Variants in WDR72 observed in about 807,000 individuals in gnomAD.
WDR72 encodes the protein WD repeat domain 72.
A neutral mutation model predicts 124.2 loss-of-function variants in WDR72; 120 were observed. The ratio of observed to expected loss-of-function variants is 0.97; its 90% CI spans 0.83 to 1.12. The LOEUF (loss-of-function observed/expected upper bound fraction) is 1.12, where lower values mean the gene tolerates loss of function less well. Among genes scored for constraint, WDR72 ranks in the 50% most tolerant of loss-of-function variants. The pLI is 0.00. For synonymous variants in WDR72, 452 were observed against 441.7 expected (o/e 1.02, Z -0.29); for missense variants, 1,387 against 1,278.8 (o/e 1.08, Z -1.29).
intron 18 of WDR72, among the ~76,000 whole-genome samples, chr15:53,583,657 C>T (rs1360174700): frequency 6.6e-6 from 1 of 152,044 alleles, no homozygotes; most frequent in East Asian, 1.9e-4. Context: ...CACAGGTGAG[C>T]AGGCAATTCT....
At chr15:53,740,500 G>A (rs1454165383) in intron 1 of WDR72, among the ~76,000 whole-genome samples, 1 of 152,002 alleles carries the variant, frequency 6.6e-6, no homozygotes, top group Non-Finnish European at 1.5e-5. Context: ...GCAGAGAACG[G>A]GGTTTCACCG....
At chr15:53,626,783 G>A (rs2014228482) in intron 14 of WDR72, among the ~76,000 whole-genome samples, 1 of 152,142 alleles carries the variant, frequency 6.6e-6, no homozygotes, top group Non-Finnish European at 1.5e-5. Flanking sequence ...ATGTTTAAAG[G>A]TGGAAGTGGT....
At position 53,702,172 on chromosome 15, in the gene WDR72, G is replaced by A. The variant is rs1393055928; in HGVS notation, c.1531C>T (p.Pro511Ser). 10 of 1,613,694 alleles carry A rather than the reference G, an allele frequency of 6.2e-6. No homozygotes were observed. Among genetic ancestry groups the A allele is most frequent in the African/African-American group, 1.3e-5 (1 of 74,966 alleles). The change falls in exon 12 of 20, where the codon CCA becomes TCA. Residue 511 changes from proline (P) to serine (S), a missense_variant. Transcript: ENST00000360509. The stretch of plus-strand genomic sequence containing the variant: ...GGTGACATCAAAAGACTTGTTACTG[G>A]ACCAGCTTCCAAAAAGAATTTATGC... ...ILHKFFLEAG[P>S]VTSLLMSPEK...
At chr15:53,688,513 C>G (rs200898026) in intron 13 of WDR72, among the ~76,000 whole-genome samples, 10,725 of 151,812 alleles carry the variant, frequency 0.071, 960 homozygotes, top group African/African-American at 0.21. Context: ...CAAGGGAAGT[C>G]AAGGACCTCT....
intron 13 of WDR72, among the ~76,000 whole-genome samples, chr15:53,682,828 C>A (rs552004614): frequency 4.6e-5 from 7 of 152,226 alleles, no homozygotes; most frequent in Admixed American, 4.6e-4. Flanking sequence ...ATCTTTATAG[C>A]AGTATTCCAC....
chr15:53,620,984 G>T (rs1305413929), intron 14 of WDR72, among the ~76,000 whole-genome samples: 1 of 151,874 alleles, frequency 6.6e-6, no homozygotes, highest in Non-Finnish European at 1.5e-5. Flanking sequence ...CAAAAACTGG[G>T]ATAAGAACAT....
At chr15:53,760,468 T>C (rs2019041178), upstream of WDR72, among the ~76,000 whole-genome samples, 3 of 152,190 alleles carry the variant, frequency 2.0e-5, no homozygotes, top group African/African-American at 7.2e-5. Flanking sequence ...TCACTTAACA[T>C]AATGATCTCC....
At chr15:53,620,622 T>C (rs994243047) in intron 14 of WDR72, among the ~76,000 whole-genome samples, 3 of 151,994 alleles carry the variant, frequency 2.0e-5, no homozygotes, top group Admixed American at 6.6e-5. Flanking sequence ...TGGATCCTCA[T>C]CTCTCACCTT....
intron 1 of WDR72, among the ~76,000 whole-genome samples, chr15:53,746,538 T>C (rs1228482220): frequency 6.6e-6 from 1 of 152,224 alleles, no homozygotes; most frequent in African/African-American, 2.4e-5. Flanking sequence ...AGCTTTGAGA[T>C]AAAATAGGCC....
intron 1 of WDR72, among the ~76,000 whole-genome samples, chr15:53,739,256 AAGG>A (rs1473034241): frequency 1.3e-5 from 2 of 152,194 alleles, no homozygotes; most frequent in Non-Finnish European, 2.9e-5. Flanking sequence ...GGCAAAGAGA[AAGG>A]AGATCAAAAA....
intron 2 of WDR72, among the ~76,000 whole-genome samples, chr15:53,728,498 C>T (rs62008000): frequency 0.079 from 12,084 of 152,190 alleles, 656 homozygotes; most frequent in Middle Eastern, 0.13. Context: ...AATTGAAGCT[C>T]AAAGAATATA....
chr15:53,626,228 T>C (rs1368748668), intron 14 of WDR72, among the ~76,000 whole-genome samples: 1 of 152,176 alleles, frequency 6.6e-6, no homozygotes, highest in African/African-American at 2.4e-5. Context: ...AATGGAATCT[T>C]GGGCCACGCG....
chr15:53,713,554 G>A (rs899351851), intron 6 of WDR72, among the ~76,000 whole-genome samples: 41 of 151,696 alleles, frequency 2.7e-4, no homozygotes, highest in African/African-American at 8.2e-4. Context: ...GGGTTCAAAC[G>A]ATTCTCCTGC....
At chr15:53,759,763 A>AC (rs2019023727), upstream of WDR72, 1 of 129,676 alleles carries the variant, frequency 7.7e-6, no homozygotes, top group African/African-American at 3.0e-5. Flanking sequence ...CAGCGCGCGG[A>AC]CCGGGCTAGC....
chr15:53,688,298 G>A (rs1237781124), intron 13 of WDR72, among the ~76,000 whole-genome samples: 1 of 148,740 alleles, frequency 6.7e-6, no homozygotes, highest in African/African-American at 2.6e-5. Context: ...CGACATGATT[G>A]TATATCTAGA....
intron 14 of WDR72, among the ~76,000 whole-genome samples, chr15:53,653,379 T>C (rs1034910232): frequency 7.2e-5 from 11 of 152,148 alleles, no homozygotes; most frequent in African/African-American, 2.7e-4. Flanking sequence ...ATAAAAAGGA[T>C]GCTGAGAAAG....
chr15:53,681,452 C>T (rs1316928749), intron 13 of WDR72, among the ~76,000 whole-genome samples: 1 of 152,060 alleles, frequency 6.6e-6, no homozygotes, highest in African/African-American at 2.4e-5. Flanking sequence ...AGGTGAAGCC[C>T]CCGTAAACAT....
rs548174612 is a variant in WDR72 at position 53,710,681 on chromosome 15, A to C, written c.954+176T>G. Among the ~76,000 whole-genome samples, 38 of 152,336 alleles carry C rather than the reference A, an allele frequency of 2.5e-4. No individual in the cohort carries two copies. In the East Asian group the frequency reaches 7.1e-3, roughly 29 times the overall value. The stretch of plus-strand genomic sequence containing the variant: ...CAGACTTAAACATAGCAGATTTTTA[A>C]AGACAAAGTTTTCTCTTTGGTAGCC... On this transcript the variant is annotated intron_variant, in intron 9 of 19. Coordinates refer to ENST00000360509, the MANE Select transcript of WDR72 (RefSeq NM_182758.4).
chr15:53,743,458 G>A (rs115003597), intron 1 of WDR72, among the ~76,000 whole-genome samples: 1,992 of 152,128 alleles, frequency 0.013, 48 homozygotes, highest in African/African-American at 0.046. Flanking sequence ...ACCTTTTATA[G>A]TTAATAAAGT....
Sources: gnomAD v4.1 joint callset for allele counts (sites outside exome capture counted in the v4.1 genomes callset) on GRCh38, gnomAD v4.1.1 for gene constraint, MANE v1.5 for transcripts, NCBI Gene and HGNC (gene_info 2026-07-23, HGNC 2026-07-21) for gene names.